Variants in SLC12A8 observed in about 807,000 individuals in gnomAD.
The protein encoded by SLC12A8 is solute carrier family 12 member 8, also known as cation-chloride cotransporter 9.
SLC12A8 carries 69 observed loss-of-function variants against 75.6 expected under a neutral mutation model. The observed-to-expected ratio is 0.91, with a 90% CI of 0.75 to 1.11. SLC12A8 has a LOEUF of 1.11. Among genes scored for constraint, SLC12A8 ranks in the 50% most tolerant of loss-of-function variants. SLC12A8 has a pLI of 0.00. For synonymous variants in SLC12A8, 365 were observed against 372.8 expected (o/e 0.98, Z 0.24); for missense variants, 877 against 896.7 (o/e 0.98, Z 0.28).
At chr3:125,135,579 A>G (rs948889769) in intron 6 of SLC12A8, 90 bp downstream of exon 6, 2 of 697,778 alleles carry the variant, frequency 2.9e-6, no homozygotes, top group Non-Finnish European at 4.6e-6. Flanking sequence ...ACATACCAAG[A>G]GTACCTGCAG....
At position 125,083,812 on chromosome 3, in the gene SLC12A8, A is replaced by C. The variant is rs1179834937; in HGVS notation, c.*78T>G. Reference sequence around the variant, plus strand: ...GGTCTTGAGTTTCTCAGGTTGGAGAAGCAGCTCCACGAAGGTCCTGAGCTT... The same window carrying C: ...GGTCTTGAGTTTCTCAGGTTGGAGACGCAGCTCCACGAAGGTCCTGAGCTT... On this transcript the variant is annotated 3_prime_UTR_variant, in exon 14 of 14. Coordinates refer to ENST00000469902, the MANE Select transcript of SLC12A8 (RefSeq NM_024628.6). 7.1e-7 allele frequency: 1 copy of C among 1,407,746 alleles called. No homozygotes were observed. Among genetic ancestry groups the C allele is most frequent in the African/African-American group, 1.4e-5 (1 of 69,986 alleles). 87.2% of individuals were successfully genotyped at this position (1,407,746 alleles called of 1,614,324 possible).
At chr3:125,200,703 AC>A (rs1935102950) in intron 2 of SLC12A8, among the ~76,000 whole-genome samples, 1 of 152,202 alleles carries the variant, frequency 6.6e-6, no homozygotes, top group South Asian at 2.1e-4. Context: ...ATCAATGTCT[AC>A]CTCAAAATTC....
At chr3:125,176,705 C>G (rs1934536166) in intron 5 of SLC12A8, among the ~76,000 whole-genome samples, 1 of 151,402 alleles carries the variant, frequency 6.6e-6, no homozygotes, top group Non-Finnish European at 1.5e-5. Flanking sequence ...ATTTATGCAG[C>G]CAAAAGACAC....
chr3:125,128,859 G>A (rs1168976610), intron 6 of SLC12A8, among the ~76,000 whole-genome samples: 1 of 152,188 alleles, frequency 6.6e-6, no homozygotes. Flanking sequence ...AATGGGGGAA[G>A]TAGGCCAGAG....
chr3:125,181,762 C>T (rs1934668046), intron 4 of SLC12A8, among the ~76,000 whole-genome samples: 1 of 147,404 alleles, frequency 6.8e-6, no homozygotes, highest in Non-Finnish European at 1.5e-5. Flanking sequence ...AAGAAAAATA[C>T]AAGAAACAAA....
At chr3:125,152,393 C>T (rs908427486) in intron 5 of SLC12A8, among the ~76,000 whole-genome samples, 1 of 152,178 alleles carries the variant, frequency 6.6e-6, no homozygotes, top group Non-Finnish European at 1.5e-5. Context: ...TACAGATTTA[C>T]TGTTTGAATT....
In SLC12A8 at chr3:125,195,745, C is replaced by T. The variant is rs149800178; in HGVS notation, c.52-5224G>A. The stretch of plus-strand genomic sequence containing the variant: ...ACTTTGATGCCGAAGTTCTGCCTCC[C>T]AGGACCACACAGCAGCCTCAAAACT... On this transcript the variant is annotated intron_variant, in intron 2 of 13. Coordinates refer to ENST00000469902, the MANE Select transcript of SLC12A8 (RefSeq NM_024628.6). Among the ~76,000 whole-genome samples, 1,153 of 152,254 alleles carry T rather than the reference C, an allele frequency of 7.6e-3. 14 individuals carry two copies. The highest frequency in any genetic ancestry group is 0.026 in the African/African-American group (1,080 of 41,522).
At chr3:125,183,038 C>T (rs780076683) in intron 4 of SLC12A8, among the ~76,000 whole-genome samples, 4 of 152,020 alleles carry the variant, frequency 2.6e-5, no homozygotes, top group African/African-American at 9.7e-5. Flanking sequence ...TAAAAGTACC[C>T]TTATGTTTAC....
chr3:125,204,029 A>G (rs1216805394), intron 2 of SLC12A8, among the ~76,000 whole-genome samples: 1 of 152,220 alleles, frequency 6.6e-6, no homozygotes, highest in Non-Finnish European at 1.5e-5. Context: ...CAAAACCACA[A>G]TGAGATACCA....
intron 6 of SLC12A8, among the ~76,000 whole-genome samples, chr3:125,131,002 G>A (rs1409300890): frequency 2.0e-5 from 3 of 152,228 alleles, no homozygotes; most frequent in Non-Finnish European, 4.4e-5. Flanking sequence ...CACTCAGTGG[G>A]GACACTGCCA....
At chr3:125,115,417 G>T (rs575115535) in intron 8 of SLC12A8, among the ~76,000 whole-genome samples, 4 of 152,106 alleles carry the variant, frequency 2.6e-5, no homozygotes, top group South Asian at 2.1e-4. Flanking sequence ...CAGCTACTTG[G>T]GGGGCTGAAG....
At chr3:125,186,796 C>T (rs570171743) in intron 4 of SLC12A8, among the ~76,000 whole-genome samples, 6 of 152,332 alleles carry the variant, frequency 3.9e-5, no homozygotes, top group South Asian at 4.1e-4. Flanking sequence ...CAAATGCTCC[C>T]GGGAGCTCCT....
In SLC12A8 at chr3:125,088,675, T is replaced by A. The variant is rs142907565; in HGVS notation, c.1922-305A>T. Among the ~76,000 whole-genome samples, 410 of 152,330 alleles carry A rather than the reference T, an allele frequency of 2.7e-3. 2 individuals carry two copies. The highest frequency in any genetic ancestry group is 9.4e-3 in the African/African-American group (391 of 41,578). ...GACTTGCTAACTTTAGTCTTAAGAA[T>A]TAAAAAACTTTGATAAATTTTTTAA... is the stretch of plus-strand genomic sequence containing the variant. On this transcript the variant is annotated intron_variant, in intron 12 of 13. Transcript: ENST00000469902.
chr3:125,120,714 G>A (rs768842729), intron 6 of SLC12A8, 28 bp from the exon 7 acceptor site: 31 of 1,563,634 alleles, frequency 2.0e-5, no homozygotes, highest in Non-Finnish European at 2.5e-5. Flanking sequence ...GGGGAATGGG[G>A]TGAGCAGCCT....
At chr3:125,086,196 C>G (rs1050489533) in intron 13 of SLC12A8, among the ~76,000 whole-genome samples, 1 of 152,164 alleles carries the variant, frequency 6.6e-6, no homozygotes, top group African/African-American at 2.4e-5. Flanking sequence ...TTGGTTCTTT[C>G]AACCTCCTGA....
intron 5 of SLC12A8, among the ~76,000 whole-genome samples, chr3:125,161,152 T>C (rs632682): frequency 0.82 from 125,134 of 152,218 alleles, 51,517 homozygotes; most frequent in Middle Eastern, 0.84. Flanking sequence ...AATGTTATCA[T>C]TTTTTAAAAC....
Position 125,083,813 on chromosome 3 carries a change from G to A in SLC12A8, c.*77C>T. The A allele has an allele frequency of 7.1e-7, 1 of 1,410,428 alleles. No individual in the cohort carries two copies. The highest frequency in any genetic ancestry group is 9.7e-7 in the Non-Finnish European group (1 of 1,032,998). 87.4% of individuals were successfully genotyped at this position (1,410,428 alleles called of 1,614,324 possible). A position where few individuals can be genotyped will look rare whatever the true frequency, so the allele number is the denominator to read the frequency against. ...GTCTTGAGTTTCTCAGGTTGGAGAAGCAGCTCCACGAAGGTCCTGAGCTTG... is the reference window on the plus strand; with the variant it reads ...GTCTTGAGTTTCTCAGGTTGGAGAAACAGCTCCACGAAGGTCCTGAGCTTG... On this transcript the variant is annotated 3_prime_UTR_variant, in exon 14 of 14. Transcript: ENST00000469902.
intron 5 of SLC12A8, among the ~76,000 whole-genome samples, chr3:125,176,715 C>G (rs1013977780): frequency 2.1e-4 from 32 of 150,988 alleles, no homozygotes; most frequent in Non-Finnish European, 3.0e-5. Context: ...CCAAAAGACA[C>G]ATGAAAAAAT....
chr3:125,163,857 C>A (rs1257960995), intron 5 of SLC12A8, among the ~76,000 whole-genome samples: 2 of 152,206 alleles, frequency 1.3e-5, no homozygotes, highest in African/African-American at 4.8e-5. Context: ...GCTGGCCTCA[C>A]CCTGTGTGCT....
Sources: allele counts gnomAD v4.1 joint callset (sites outside exome capture counted in the v4.1 genomes callset), GRCh38; gene constraint gnomAD v4.1.1; transcripts MANE v1.5; gene names NCBI Gene and HGNC (gene_info 2026-07-23, HGNC 2026-07-21).